Variants in ITM2C observed in about 807,000 individuals in gnomAD.
ITM2C encodes integral membrane protein 2C.
In ITM2C, 20 loss-of-function variants were observed where a neutral mutation model predicts 30.0. The observed-to-expected ratio is 0.67, with a 90% CI of 0.47 to 0.97. The LOEUF is 0.97. Ranked by LOEUF, ITM2C falls within the 50% of genes least tolerant of loss-of-function variation. The pLI is 0.00. For missense variants in ITM2C, 366 were observed against 371.9 expected (o/e 0.98, Z 0.13); for synonymous variants, 167 against 156.4 (o/e 1.07, Z -0.51).
At position 230,877,038 on chromosome 2, in the gene ITM2C, G is replaced by A. The variant is rs1212123843; in HGVS notation, c.561+71G>A. ...TTGCCCCCTGTCTCATGGAGGCTAG[G>A]TCTGAGGTACAGGAAGTTCCTGTGT... On this transcript the variant is annotated intron_variant, in intron 4 of 5. Transcript: ENST00000326427. The surrounding 1 kb of genome is among the most constrained non-coding windows in gnomAD (Gnocchi z 4.8). 2 of 1,088,670 alleles carry A rather than the reference G, an allele frequency of 1.8e-6. No homozygotes were observed. Among genetic ancestry groups the A allele is most frequent in the Non-Finnish European group, 2.8e-6 (2 of 711,320 alleles). 67.4% of individuals were successfully genotyped at this position (1,088,670 alleles called of 1,614,324 possible).
chr2:230,869,604 G>A (rs940837942), intron 1 of ITM2C, among the ~76,000 whole-genome samples: 1 of 152,220 alleles, frequency 6.6e-6, no homozygotes, highest in African/African-American at 2.4e-5. Context: ...GTTTCTGGCT[G>A]CCGAACCCCT....
chr2:230,868,889 C>T (rs1462694855), intron 1 of ITM2C, among the ~76,000 whole-genome samples: 2 of 152,230 alleles, frequency 1.3e-5, no homozygotes, highest in African/African-American at 4.8e-5. Context: ...AGCGTGGGGA[C>T]TTTCATGGCT....
At position 230,878,224 on chromosome 2, in the gene ITM2C, C is replaced by G; in HGVS notation, c.*125C>G. On this transcript the variant is annotated 3_prime_UTR_variant, in exon 6 of 6. Coordinates refer to ENST00000326427, the MANE Select transcript of ITM2C (RefSeq NM_030926.6). The surrounding 1 kb of genome is among the most constrained non-coding windows in gnomAD (Gnocchi z 4.5). ...GCGTTTCTATAGAGGTGACATGTCT[C>G]TCCATTCCTCTCCAACCCTGCCCAC... 1.7e-6 allele frequency: 1 copy of G among 578,734 alleles called. No homozygotes were observed. The highest frequency in any genetic ancestry group is 2.9e-6 in the Non-Finnish European group (1 of 341,672). The allele number at this position is 578,734 out of a possible 1,614,324, so 35.8% of individuals were successfully genotyped here.
Position 230,877,681 on chromosome 2 carries a change from C to A in ITM2C, c.712+131C>A. On this transcript the variant is annotated intron_variant, in intron 5 of 5. Transcript: ENST00000326427. This position sits in a 1 kb window ranked among gnomAD's most constrained non-coding sequence, Gnocchi z 4.8. ...ACAGCTAGCATTAGCAGAGCACTTCCGTGTGCCGGGCAATGCTGTGTGCTC... is the reference window on the plus strand; with the variant it reads ...ACAGCTAGCATTAGCAGAGCACTTCAGTGTGCCGGGCAATGCTGTGTGCTC... The A allele has an allele frequency of 1.1e-6, 1 of 948,028 alleles. No homozygotes were observed. Among genetic ancestry groups the A allele is most frequent in the Non-Finnish European group, 1.6e-6 (1 of 625,446 alleles). The allele number at this position is 948,028 out of a possible 1,614,324, so 58.7% of individuals were successfully genotyped here. A position where few individuals can be genotyped will look rare whatever the true frequency, so the allele number is the denominator to read the frequency against.
chr2:230,868,459 G>GCATT lies in ITM2C; in HGVS notation c.120+3316_120+3317insTTCA, dbSNP rs553555961. ...TTCTCCCCACACCCTGCCTGTGCCT[G>GCATT]CACTCACACACACACACACACACAC... On this transcript the variant is annotated intron_variant, in intron 1 of 5. Coordinates refer to ENST00000326427, the MANE Select transcript of ITM2C (RefSeq NM_030926.6). Among the ~76,000 whole-genome samples the GCATT allele has an allele frequency of 5.8e-3, 646 of 110,878 alleles. 1 individual carries two copies. Among genetic ancestry groups the GCATT allele is most frequent in the Non-Finnish European group, 7.8e-3 (430 of 55,232 alleles). The allele number at this position is 110,878 out of a possible 152,430, so 72.7% of individuals were successfully genotyped here. A position where few individuals can be genotyped will look rare whatever the true frequency, so the allele number is the denominator to read the frequency against.
intron 2 of ITM2C, among the ~76,000 whole-genome samples, chr2:230,875,151 C>A (rs1000972729): frequency 1.3e-5 from 2 of 152,152 alleles, no homozygotes; most frequent in African/African-American, 4.8e-5. Context: ...CGTCCTTGAC[C>A]CCCTGCCAAC....
At chr2:230,871,589 C>T (rs372722688) in intron 1 of ITM2C, among the ~76,000 whole-genome samples, 24 of 152,306 alleles carry the variant, frequency 1.6e-4, no homozygotes, top group East Asian at 1.3e-3. Context: ...CATATGATCA[C>T]GGGACCCCTA....
chr2:230,878,067 G>C lies in ITM2C; in HGVS notation c.772G>C (p.Val258Leu), dbSNP rs775705201. 6.2e-6 allele frequency: 10 copies of C among 1,604,230 alleles called. No individual in the cohort carries two copies. The highest frequency in any genetic ancestry group is 4.0e-5 in the African/African-American group (3 of 74,614). The change falls in exon 6 of 6, where the codon GTG (valine) becomes CTG (leucine). Residue 258 changes from valine to leucine, a missense_variant. By Grantham distance (32) the Val-to-Leu change is conservative. Transcript: ENST00000326427. This position sits in a 1 kb window ranked among gnomAD's most constrained non-coding sequence, Gnocchi z 4.5. ...NAIRHFENTF[V>L]VETLICGVV ...CATCCGCCACTTCGAGAACACCTTC[G>C]TGGTGGAGACGCTCATCTGCGGGGT...
At position 230,875,826 on chromosome 2, in the gene ITM2C, CTGGGGGTGGGGGGTGGGA is replaced by C; in HGVS notation, c.450+19_450+36del. 3 of 1,186,718 alleles carry C rather than the reference CTGGGGGTGGGGGGTGGGA, an allele frequency of 2.5e-6. No individual in the cohort carries two copies. Among genetic ancestry groups the C allele is most frequent in the Middle Eastern group, 2.3e-4 (1 of 4,420 alleles). The allele number at this position is 1,186,718 out of a possible 1,614,324, so 73.5% of individuals were successfully genotyped here. A position where few individuals can be genotyped will look rare whatever the true frequency, so the allele number is the denominator to read the frequency against. On this transcript the variant is annotated intron_variant, in intron 3 of 5. Transcript: ENST00000326427. ...TCCAGCGGGTGAGGCTGGCCAGGGC[CTGGGGGTGGGGGGTGGGA>C]GGGTGTCCCGGGGACTCAGGGCAAG... is the stretch of plus-strand genomic sequence containing the variant.
Position 230,873,399 on chromosome 2 carries a change from C to T in ITM2C, c.121-18C>T. On this transcript the variant is annotated intron_variant, in intron 1 of 5. Transcript: ENST00000326427. ...GGAGGGGCCCTGGCCCCCACTGACC[C>T]AGCATTGCTATCCACAGGAGGAGCA... is the stretch of plus-strand genomic sequence containing the variant. The T allele has an allele frequency of 6.5e-7, 1 of 1,534,470 alleles. No individual in the cohort carries two copies. The highest frequency in any genetic ancestry group is 8.8e-7 in the Non-Finnish European group (1 of 1,140,028).
chr2:230,874,078 G>A (rs772124634), intron 2 of ITM2C, among the ~76,000 whole-genome samples: 2 of 152,172 alleles, frequency 1.3e-5, no homozygotes, highest in Non-Finnish European at 2.9e-5. Flanking sequence ...ACAAAGCTGG[G>A]CCAACCCAGA....
At chr2:230,876,649 T>C (rs1291593105) in intron 3 of ITM2C, among the ~76,000 whole-genome samples, 1 of 151,918 alleles carries the variant, frequency 6.6e-6, no homozygotes, top group Non-Finnish European at 1.5e-5. Flanking sequence ...GCCTGGCAAA[T>C]TTTTTGTATT....
Position 230,877,373 on chromosome 2 carries a change from C to T in ITM2C, c.562-27C>T, listed in dbSNP as rs747773927. The T allele has an allele frequency of 1.2e-6, 2 of 1,610,722 alleles. No individual in the cohort carries two copies. Among genetic ancestry groups the T allele is most frequent in the Admixed American group, 1.7e-5 (1 of 59,896 alleles). ...TGGACGAAAGCCTGAGGGGCCGACT[C>T]ACTGTGGCGGCCACCTTGTTTTGCA... On this transcript the variant is annotated intron_variant, in intron 4 of 5. Coordinates refer to ENST00000326427, the MANE Select transcript of ITM2C (RefSeq NM_030926.6). This position sits in a 1 kb window ranked among gnomAD's most constrained non-coding sequence, Gnocchi z 4.8.
At chr2:230,864,926 G>A, upstream of ITM2C, 11 of 1,257,558 alleles carry the variant, frequency 8.7e-6, no homozygotes, top group Non-Finnish European at 1.0e-5. This position sits in a 1 kb window ranked among gnomAD's most constrained non-coding sequence, Gnocchi z 4.3. Flanking sequence ...ACGCGAGCGG[G>A]ATCCAAACTT....
intron 2 of ITM2C, among the ~76,000 whole-genome samples, 166 bp downstream of exon 2, chr2:230,873,723 G>T (rs1697224592): frequency 6.6e-6 from 1 of 152,154 alleles, no homozygotes; most frequent in Non-Finnish European, 1.5e-5. Flanking sequence ...TCCTCCTTGG[G>T]GCCTCCTTGG....
rs1281894027 is a variant in ITM2C at position 230,879,156 on chromosome 2, CTG to C, written c.*1058_*1059del. ...GGGCTGTAACGCCTTCAGTCAGTCT[CTG>C]GGGATGAAACTCTTAAATGCTTTGT... is the stretch of plus-strand genomic sequence containing the variant. On this transcript the variant is annotated 3_prime_UTR_variant, in exon 6 of 6. Coordinates refer to ENST00000326427, the MANE Select transcript of ITM2C (RefSeq NM_030926.6). 6.5e-6 allele frequency: 1 copy of C among 152,774 alleles called. No homozygotes were observed. Among genetic ancestry groups the C allele is most frequent in the East Asian group, 1.9e-4 (1 of 5,186 alleles). 9.5% of individuals were successfully genotyped at this position (152,774 alleles called of 1,614,324 possible).
At chr2:230,875,829 G>T in intron 3 of ITM2C, 21 bp downstream of exon 3, 2 of 427,932 alleles carry the variant, frequency 4.7e-6, no homozygotes, top group South Asian at 1.9e-5. Context: ...CCAGGGCCTG[G>T]GGGTGGGGGG....
chr2:230,868,179 C>T (rs956410812), intron 1 of ITM2C, among the ~76,000 whole-genome samples: 8 of 151,976 alleles, frequency 5.3e-5, no homozygotes, highest in African/African-American at 1.7e-4. Flanking sequence ...TGTCTGTGGA[C>T]CTGAGACTGG....
Position 230,873,431 on chromosome 2 carries a change from A to T in ITM2C, c.135A>T (p.Pro45=). The change falls in exon 2 of 6, where the codon CCA becomes CCT. Residue 45 remains proline (P), a synonymous_variant. Coordinates refer to ENST00000326427, the MANE Select transcript of ITM2C (RefSeq NM_030926.6). The part of the protein sequence containing the change: ...LLTPAREEQP[P]QHRSKRGGSV... The stretch of plus-strand genomic sequence containing the variant: ...GCTATCCACAGGAGGAGCAGCCCCC[A>T]CAACATCGATCCAAGAGGGGGGGCT... The T allele has an allele frequency of 6.3e-7, 1 of 1,594,358 alleles. No individual in the cohort carries two copies. The highest frequency in any genetic ancestry group is 8.5e-7 in the Non-Finnish European group (1 of 1,170,602).
Sources: gnomAD v4.1 joint callset for allele counts (sites outside exome capture counted in the v4.1 genomes callset) on GRCh38, gnomAD v4.1.1 for gene constraint, Gnocchi (gnomAD v3.1) non-coding constraint, MANE v1.5 for transcripts, NCBI Gene and HGNC (gene_info 2026-07-23, HGNC 2026-07-21) for gene names.